MACROD2: variants seen among roughly 807,000 people sequenced by gnomAD.
MACROD2 encodes the protein mono-ADP ribosylhydrolase 2.
Under a neutral mutation model 70.4 loss-of-function variants are expected in MACROD2, and 36 were observed. The ratio of observed to expected loss-of-function variants is 0.51; its 90% CI spans 0.39 to 0.68. The LOEUF is 0.68. Among genes scored for constraint, MACROD2 ranks in the 30% least tolerant of loss-of-function variants. MACROD2 has a pLI of 0.00. For missense variants in MACROD2, 496 were observed against 538.4 expected, an observed-to-expected ratio of 0.92 and a Z score of 0.78; for synonymous variants, 172 against 178.8, an observed-to-expected ratio of 0.96 and a Z score of 0.30.
rs768477236 is a variant in MACROD2, at chr20:15,652,726, C to CT, written c.645+152890dup. Among the ~76,000 whole-genome samples the CT allele has an allele frequency of 2.8e-3, 417 of 146,526 alleles. 1 individual carries two copies. Among genetic ancestry groups the CT allele is most frequent in the Non-Finnish European group, 4.7e-3 (314 of 66,204 alleles). ...CTTTGACTTTTGTGGTTTCCTAGCT[C>CT]TTTTTTTTTTTACATAGTTGCCTTG... On this transcript the variant is annotated intron_variant, in intron 8 of 17. Transcript: ENST00000684519.
intron 13 of MACROD2, among the ~76,000 whole-genome samples, chr20:15,979,666 G>A (rs548194726): frequency 5.3e-5 from 8 of 152,124 alleles, no homozygotes; most frequent in South Asian, 2.1e-4. Flanking sequence ...TCATTAGCCC[G>A]AGGCAAAATG....
chr20:15,356,401 AAT>A (rs1374406041), intron 6 of MACROD2, among the ~76,000 whole-genome samples: 2 of 152,218 alleles, frequency 1.3e-5, no homozygotes, highest in African/African-American at 4.8e-5. Flanking sequence ...TTTTAAGTCA[AAT>A]CTCTCCAGTA....
At chr20:14,954,318 A>G (rs1329563338) in intron 5 of MACROD2, among the ~76,000 whole-genome samples, 1 of 151,656 alleles carries the variant, frequency 6.6e-6, no homozygotes, top group Non-Finnish European at 1.5e-5. Flanking sequence ...TGTATTTACC[A>G]CATTTGTTGG....
At chr20:15,462,668 GT>G (rs1191245207) in intron 7 of MACROD2, among the ~76,000 whole-genome samples, 1 of 152,164 alleles carries the variant, frequency 6.6e-6, no homozygotes, top group Non-Finnish European at 1.5e-5. Context: ...TGAAAGCCCA[GT>G]GCTTTTGATT....
At chr20:14,339,996 G>T (rs2082996773) in intron 3 of MACROD2, among the ~76,000 whole-genome samples, 1 of 152,100 alleles carries the variant, frequency 6.6e-6, no homozygotes, top group Non-Finnish European at 1.5e-5. Flanking sequence ...AATAATGTGT[G>T]CCCCCTTTGA....
chr20:15,081,539 G>A (rs185316059), intron 5 of MACROD2, among the ~76,000 whole-genome samples: 39 of 152,248 alleles, frequency 2.6e-4, no homozygotes, highest in Non-Finnish European at 4.9e-4. Context: ...TTAGACCACA[G>A]TTAATTGTAT....
intron 3 of MACROD2, among the ~76,000 whole-genome samples, chr20:14,106,487 G>C (rs1049216492): frequency 1.8e-4 from 28 of 152,094 alleles, no homozygotes; most frequent in African/African-American, 6.8e-4. Flanking sequence ...AACTCACCTA[G>C]GGCCTGGGGG....
intron 8 of MACROD2, among the ~76,000 whole-genome samples, chr20:15,534,236 C>T (rs989231817): frequency 6.6e-6 from 1 of 152,142 alleles, no homozygotes; most frequent in South Asian, 2.1e-4. Context: ...TACATGTAGA[C>T]ACACATCCTT....
intron 5 of MACROD2, among the ~76,000 whole-genome samples, chr20:15,068,436 C>G (rs1454669114): frequency 1.3e-5 from 2 of 152,148 alleles, no homozygotes; most frequent in African/African-American, 4.8e-5. Context: ...TTTCTCCCCT[C>G]CAAGTCTCAT....
At chr20:15,258,579 T>G (rs2077220406) in intron 6 of MACROD2, among the ~76,000 whole-genome samples, 1 of 152,092 alleles carries the variant, frequency 6.6e-6, no homozygotes. Flanking sequence ...AGGTATGTAG[T>G]AGGCTACACC....
intron 6 of MACROD2, among the ~76,000 whole-genome samples, chr20:15,378,796 A>G (rs571146173): frequency 7.2e-5 from 11 of 152,266 alleles, no homozygotes; most frequent in African/African-American, 2.6e-4. Flanking sequence ...ATTTTTTTTC[A>G]ACCTTAACTG....
intron 6 of MACROD2, among the ~76,000 whole-genome samples, chr20:15,347,543 A>G (rs1010338283): frequency 3.9e-5 from 6 of 152,308 alleles, no homozygotes; most frequent in Admixed American, 1.3e-4. Context: ...ACACTTTCCC[A>G]TGGTACACAT....
chr20:15,198,607 C>T (rs1316244624), intron 5 of MACROD2, among the ~76,000 whole-genome samples: 3 of 152,120 alleles, frequency 2.0e-5, no homozygotes, highest in African/African-American at 7.2e-5. Context: ...TAAACTTTCT[C>T]ATAATTATTA....
At chr20:15,882,091 C>T (rs1361060517) in intron 9 of MACROD2, among the ~76,000 whole-genome samples, 1 of 152,070 alleles carries the variant, frequency 6.6e-6, no homozygotes, top group Non-Finnish European at 1.5e-5. Context: ...TTATATGTTA[C>T]TTGGAGGCCA....
intron 11 of MACROD2, among the ~76,000 whole-genome samples, chr20:15,935,640 A>G (rs2065647351): frequency 6.6e-6 from 1 of 152,206 alleles, no homozygotes; most frequent in African/African-American, 2.4e-5. Context: ...TCATGATCAA[A>G]TCAGATCAAA....
In MACROD2 at chr20:14,213,361, C is replaced by CAAAAAAAAAAAA. The variant is rs60009822; in HGVS notation, c.271+127647_271+127658dup. On this transcript the variant is annotated intron_variant, in intron 3 of 17. Transcript: ENST00000684519. The stretch of plus-strand genomic sequence containing the variant: ...ATAGTTGATTTTGAGCTTCTAGTGG[C>CAAAAAAAAAAAA]AAAAAAAAAAAAAAAAAAAAAAAAA... Among the ~76,000 whole-genome samples the CAAAAAAAAAAAA allele has an allele frequency of 1.7e-4, 5 of 30,260 alleles. 2 individuals are homozygous for CAAAAAAAAAAAA. In the East Asian group the frequency reaches 3.5e-3, roughly 21 times the overall value. 19.9% of individuals were successfully genotyped at this position (30,260 alleles called of 152,430 possible).
intron 5 of MACROD2, among the ~76,000 whole-genome samples, chr20:14,751,162 A>G (rs1276583794): frequency 2.6e-5 from 4 of 152,174 alleles, no homozygotes; most frequent in African/African-American, 9.7e-5. Flanking sequence ...GAGAGCGCTC[A>G]TGAGCCCAGC....
intron 9 of MACROD2, among the ~76,000 whole-genome samples, chr20:15,878,545 G>T (rs867009041): frequency 1.3e-5 from 2 of 151,996 alleles, no homozygotes; most frequent in East Asian, 1.9e-4. Context: ...GGTTTTCTTT[G>T]CTTGTTTTTG....
intron 10 of MACROD2, among the ~76,000 whole-genome samples, chr20:15,908,248 C>T (rs1320838252): frequency 6.6e-6 from 1 of 152,094 alleles, no homozygotes; most frequent in Non-Finnish European, 1.5e-5. Context: ...GTACTAAGGA[C>T]AAAAAGACAT....
Sources: gnomAD v4.1 joint callset for allele counts (sites outside exome capture counted in the v4.1 genomes callset) on GRCh38, gnomAD v4.1.1 for gene constraint, MANE v1.5 for transcripts, NCBI Gene and HGNC (gene_info 2026-07-23, HGNC 2026-07-21) for gene names.